CMYA5: variants seen among roughly 807,000 people sequenced by gnomAD.
CMYA5 encodes the protein cardiomyopathy-associated protein 5.
A neutral mutation model predicts 318.9 loss-of-function variants in CMYA5; 246 were observed. That is an observed-to-expected ratio of 0.77 (90% CI 0.70 to 0.86). The LOEUF (loss-of-function observed/expected upper bound fraction) is 0.86, where lower values mean the gene tolerates loss of function less well. Ranked by LOEUF, CMYA5 falls within the 40% of genes least tolerant of loss-of-function variation. The pLI, the probability that CMYA5 is intolerant of heterozygous loss-of-function variation, is 0.00. For missense variants in CMYA5, 4,589 were observed against 4,678.2 expected (o/e 0.98, Z 0.56); for synonymous variants, 1,641 against 1,729.5 (o/e 0.95, Z 1.27).
chr5:79,722,279 A>G (rs994707984), intron 1 of CMYA5, among the ~76,000 whole-genome samples: 2 of 152,256 alleles, frequency 1.3e-5, no homozygotes, highest in Non-Finnish European at 2.9e-5. Context: ...TTAAAATGCT[A>G]TATATCAACC....
intron 12 of CMYA5, among the ~76,000 whole-genome samples, chr5:79,798,529 A>G (rs918329981): frequency 2.6e-5 from 4 of 152,066 alleles, no homozygotes; most frequent in African/African-American, 9.6e-5. Flanking sequence ...TCCCTTCACA[A>G]CCAAAACAGC....
At chr5:79,766,922 A>G (rs1160287113) in intron 9 of CMYA5, among the ~76,000 whole-genome samples, 2 of 152,086 alleles carry the variant, frequency 1.3e-5, no homozygotes, top group Non-Finnish European at 2.9e-5. Flanking sequence ...TCGGCTGCAA[A>G]TCTTTCTGGT....
chr5:79,719,756 ATGCT>A (rs1443212625), intron 1 of CMYA5, among the ~76,000 whole-genome samples: 17 of 152,298 alleles, frequency 1.1e-4, no homozygotes, highest in Admixed American at 3.9e-4. Flanking sequence ...ACAAAGAGTA[ATGCT>A]TGCTCAGGGC....
At chr5:79,794,367 A>G (rs899349227) in intron 12 of CMYA5, among the ~76,000 whole-genome samples, 2 of 152,172 alleles carry the variant, frequency 1.3e-5, no homozygotes, top group Admixed American at 6.5e-5. Flanking sequence ...TGGTTGGTTG[A>G]TGTGAAAAAG....
chr5:79,800,176 A>G lies in CMYA5; in HGVS notation c.*560A>G, dbSNP rs565768995. 6.5e-6 allele frequency: 1 copy of G among 152,938 alleles called. No individual in the cohort carries two copies. The highest frequency in any genetic ancestry group is 2.1e-4 in the South Asian group (1 of 4,834). The allele number at this position is 152,938 out of a possible 1,614,324, so 9.5% of individuals were successfully genotyped here. On this transcript the variant is annotated 3_prime_UTR_variant, in exon 13 of 13. Transcript: ENST00000446378. Reference sequence around the variant, plus strand: ...AATTTTAAATGTAGAAAAGTGCTATATATTAGAAATTTCCATTTTGTTAAA... The same window carrying G: ...AATTTTAAATGTAGAAAAGTGCTATGTATTAGAAATTTCCATTTTGTTAAA...
At chr5:79,778,410 C>A (rs1330364388) in intron 9 of CMYA5, among the ~76,000 whole-genome samples, 1 of 152,252 alleles carries the variant, frequency 6.6e-6, no homozygotes, top group East Asian at 1.9e-4. Context: ...GTTCTTTATA[C>A]CCTTGCCTAA....
At position 79,749,707 on chromosome 5, in the gene CMYA5, C is replaced by T. The variant is rs188351699; in HGVS notation, c.10991+2594C>T. Reference sequence around the variant, plus strand: ...CATCAACATTTATGCACACAAACACCACCGTCCATAGCACCATATGCAGTT... The same window carrying T: ...CATCAACATTTATGCACACAAACACTACCGTCCATAGCACCATATGCAGTT... On this transcript the variant is annotated intron_variant, in intron 5 of 12. Transcript: ENST00000446378. Among the ~76,000 whole-genome samples, 335 of 152,140 alleles carry T rather than the reference C, an allele frequency of 2.2e-3. 4 individuals are homozygous for T. Among genetic ancestry groups the T allele is most frequent in the African/African-American group, 7.7e-3 (318 of 41,512 alleles).
rs905765639 is a variant in CMYA5 at position 79,742,266 on chromosome 5, C to T, written c.10639-1561C>T. Among the ~76,000 whole-genome samples, 4 of 151,492 alleles carry T rather than the reference C, an allele frequency of 2.6e-5. No individual in the cohort carries two copies. In the South Asian group the frequency reaches 6.3e-4, roughly 24 times the overall value. ...GTGCAGCGGCGTGATCATCATAGCT[C>T]GCTGAAGCCTCCTGGGCTCAAGCAA... On this transcript the variant is annotated intron_variant, in intron 2 of 12. Transcript: ENST00000446378.
rs145597408 is a variant in CMYA5, at chr5:79,743,678, T to A, written c.10639-149T>A. 7.1e-5 allele frequency: 33 copies of A among 467,710 alleles called. No homozygotes were observed. In the East Asian group the frequency reaches 1.1e-3, roughly 16 times the overall value. The allele number at this position is 467,710 out of a possible 1,614,324, so 29.0% of individuals were successfully genotyped here. A position where few individuals can be genotyped will look rare whatever the true frequency, so the allele number is the denominator to read the frequency against. ...AATTATCTATAGTCAGATGAGGCAG[T>A]AAAGAAAATTTAAGGATTGATTTGT... On this transcript the variant is annotated intron_variant, in intron 2 of 12. Transcript: ENST00000446378.
intron 1 of CMYA5, among the ~76,000 whole-genome samples, chr5:79,694,580 A>G (rs1047973060): frequency 1.3e-5 from 2 of 152,204 alleles, no homozygotes; most frequent in African/African-American, 4.8e-5. Flanking sequence ...ATCACCTTCA[A>G]TTGCAGCTTT....
In CMYA5 at chr5:79,736,793, CAG is replaced by C. The variant is rs1561212233; in HGVS notation, c.8033_8034del (p.Glu2678ValfsTer36). ...ATCACAGTGAAGAAAAAGAACAGTT[CAG>C]AGAGTCAGAGCTATCGAAAGGCGGT... ...PDHSEEKEQF[R>X]ESELSKGGSV... On this transcript the variant is annotated frameshift_variant, in exon 2 of 13. Transcript: ENST00000446378. LOFTEE classifies it high-confidence loss of function. 2 of 1,611,378 alleles carry C rather than the reference CAG, an allele frequency of 1.2e-6. No individual in the cohort carries two copies. Among genetic ancestry groups the C allele is most frequent in the Non-Finnish European group, 1.7e-6 (2 of 1,179,510 alleles).
At chr5:79,763,280 C>T (rs1828690746) in intron 9 of CMYA5, 71 bp downstream of exon 9, 3 of 1,313,902 alleles carry the variant, frequency 2.3e-6, no homozygotes, top group Middle Eastern at 3.8e-4. Context: ...AAACTACCCT[C>T]TAACTTCTGC....
chr5:79,709,194 A>G lies in CMYA5; in HGVS notation c.149+19138A>G, dbSNP rs568691614. On this transcript the variant is annotated intron_variant, in intron 1 of 12. Transcript: ENST00000446378. ...TACTGATAGGAATGCAAATTAATCA[A>G]CCTCTCTGGAGGGAAAACTGTCAAT... Among the ~76,000 whole-genome samples, 14 of 152,188 alleles carry G rather than the reference A, an allele frequency of 9.2e-5. No homozygotes were observed. The East Asian group carries it at 2.3e-3, about 25-fold the overall frequency.
At chr5:79,750,086 C>CT (rs1693603532) in intron 5 of CMYA5, among the ~76,000 whole-genome samples, 1 of 151,760 alleles carries the variant, frequency 6.6e-6, no homozygotes, top group Non-Finnish European at 1.5e-5. Flanking sequence ...GGAAGTGGCA[C>CT]TAGTGATCCT....
In CMYA5 at chr5:79,738,559, A is replaced by C; in HGVS notation, c.9794A>C (p.Lys3265Thr). 1 of 1,613,530 alleles carries C rather than the reference A, an allele frequency of 6.2e-7. No homozygotes were observed. The highest frequency in any genetic ancestry group is 8.5e-7 in the Non-Finnish European group (1 of 1,179,864). ...GACCAGGGCCAAGGTCTGGAAGAAA[A>C]ACGAGTTGGTAAGGATGATTCATAC... ...QKDQGQGLEEKRVGKDDSYQP... is the reference protein window; with the variant it reads ...QKDQGQGLEETRVGKDDSYQP... Residue 3265 changes from lysine (K) to threonine (T), a missense_variant, in exon 2 of 13, where the codon AAA (lysine) becomes ACA (threonine). Physicochemically the swap from Lys to Thr is moderately conservative, Grantham distance 78. Transcript: ENST00000446378.
chr5:79,721,502 G>A (rs751398467), intron 1 of CMYA5, among the ~76,000 whole-genome samples: 16 of 152,098 alleles, frequency 1.1e-4, no homozygotes, highest in Non-Finnish European at 1.0e-4. Flanking sequence ...TATTTAAATG[G>A]TCAGAATGGA....
chr5:79,771,454 G>A (rs1828854887), intron 9 of CMYA5, among the ~76,000 whole-genome samples: 1 of 152,184 alleles, frequency 6.6e-6, no homozygotes, highest in Admixed American at 6.5e-5. Context: ...TGAAGTCTCT[G>A]AAATGACTCA....
Position 79,724,600 on chromosome 5 carries a change from A to G in CMYA5, c.150-4315A>G, listed in dbSNP as rs145745916. On this transcript the variant is annotated intron_variant, in intron 1 of 12. Transcript: ENST00000446378. ...ATAAATCTATGTGGGATGTTAACTGATAATCAGAAGGTTGCTTTGTGAGAA... is the reference window on the plus strand; with the variant it reads ...ATAAATCTATGTGGGATGTTAACTGGTAATCAGAAGGTTGCTTTGTGAGAA... Among the ~76,000 whole-genome samples, 54 of 152,316 alleles carry G rather than the reference A, an allele frequency of 3.5e-4. 1 individual carries two copies. Among genetic ancestry groups the G allele is most frequent in the African/African-American group, 1.3e-3 (52 of 41,574 alleles).
intron 9 of CMYA5, among the ~76,000 whole-genome samples, chr5:79,767,319 C>G (rs1000150111): frequency 1.3e-5 from 2 of 152,078 alleles, no homozygotes; most frequent in Non-Finnish European, 2.9e-5. Flanking sequence ...CTGCTCTGAT[C>G]TTAGTTATTT....
Sources: gnomAD v4.1 joint callset for allele counts (sites outside exome capture counted in the v4.1 genomes callset) on GRCh38, gnomAD v4.1.1 for gene constraint, MANE v1.5 for transcripts, NCBI Gene and HGNC (gene_info 2026-07-23, HGNC 2026-07-21) for gene names.